The following HIBADH variants were observed in gnomAD, a reference collection of about 807,000 sequenced individuals.
HIBADH encodes the protein 3-hydroxyisobutyrate dehydrogenase, mitochondrial.
Under a neutral mutation model 36.1 loss-of-function variants are expected in HIBADH, and 25 were observed. That is an observed-to-expected ratio of 0.69 (90% CI 0.50 to 0.97). The LOEUF (loss-of-function observed/expected upper bound fraction) is 0.97. HIBADH is among the 50% of genes least tolerant of loss of function. The pLI, the probability that HIBADH is intolerant of heterozygous loss-of-function variation, is 0.00. For missense variants in HIBADH, 421 were observed against 418.0 expected, an observed-to-expected ratio of 1.01 and a Z score of -0.06; for synonymous variants, 160 against 149.5, an observed-to-expected ratio of 1.07 and a Z score of -0.51.
chr7:27,612,973 ATTATATATATATT>A (rs1448928401), intron 4 of HIBADH, among the ~76,000 whole-genome samples: 3 of 138,504 alleles, frequency 2.2e-5, no homozygotes, highest in Non-Finnish European at 4.6e-5. Context: ...TTATATATAT[ATTATATATATATT>A]TTATATATAT....
rs571472691 is a variant in HIBADH, at chr7:27,650,887, A to G, written c.92-1254T>C. Among the ~76,000 whole-genome samples, 10 of 152,200 alleles carry G rather than the reference A, an allele frequency of 6.6e-5. No individual in the cohort carries two copies. The South Asian group carries it at 2.1e-3, about 32-fold the overall frequency. ...CGTTAGATGCAATTTTTCACTTTCT[A>G]GATTTAGAACTCCACTCAATAAATA... is the stretch of plus-strand genomic sequence containing the variant. On this transcript the variant is annotated intron_variant, in intron 1 of 7. Coordinates refer to ENST00000265395, the MANE Select transcript of HIBADH (RefSeq NM_152740.4).
chr7:27,536,725 CT>C lies in HIBADH; in HGVS notation c.695+1615del, dbSNP rs556464430. On this transcript the variant is annotated intron_variant, in intron 6 of 7. Coordinates refer to ENST00000265395, the MANE Select transcript of HIBADH (RefSeq NM_152740.4). ...TCATTTTAGAAGGTCAAATGATCAT[CT>C]TATAGTAAGAGTTCTGACAGGAAAA... 9.9e-5 allele frequency among the ~76,000 whole-genome samples: 15 copies of C among 152,182 alleles called. No homozygotes were observed. The South Asian group carries it at 3.1e-3, about 32-fold the overall frequency.
intron 4 of HIBADH, among the ~76,000 whole-genome samples, chr7:27,559,047 G>A (rs1583568909): frequency 6.6e-6 from 1 of 152,196 alleles, no homozygotes; most frequent in East Asian, 1.9e-4. Flanking sequence ...TTGGATGGCT[G>A]TGAGGGAAGG....
At chr7:27,660,150 ATAT>A (rs1472902890) in intron 1 of HIBADH, among the ~76,000 whole-genome samples, 4 of 152,256 alleles carry the variant, frequency 2.6e-5, no homozygotes, top group African/African-American at 4.8e-5. Context: ...GCTCCTTATA[ATAT>A]TATCATTCAT....
chr7:27,611,239 C>T (rs548382089), intron 4 of HIBADH, among the ~76,000 whole-genome samples: 2 of 152,272 alleles, frequency 1.3e-5, no homozygotes, highest in Admixed American at 6.5e-5. Flanking sequence ...TAACTACAAG[C>T]GCCACTTCAG....
At chr7:27,647,530 C>A (rs1786094151) in intron 2 of HIBADH, 1 of 174,016 alleles carries the variant, frequency 5.7e-6, no homozygotes, top group East Asian at 1.7e-4. Flanking sequence ...ATAATACATA[C>A]AAAATATTTA....
At chr7:27,537,460 T>A (rs1173242903) in intron 6 of HIBADH, among the ~76,000 whole-genome samples, 1 of 152,180 alleles carries the variant, frequency 6.6e-6, no homozygotes, top group Non-Finnish European at 1.5e-5. Context: ...AGCTATGGTA[T>A]GAAACACTAT....
intron 4 of HIBADH, among the ~76,000 whole-genome samples, chr7:27,594,995 A>T (rs1421538217): frequency 6.6e-6 from 1 of 152,370 alleles, no homozygotes; most frequent in Non-Finnish European, 1.5e-5. Flanking sequence ...AACTAAAAGA[A>T]GATGTACATA....
chr7:27,542,560 C>T (rs1484678067), intron 5 of HIBADH, among the ~76,000 whole-genome samples: 1 of 151,258 alleles, frequency 6.6e-6, no homozygotes. Flanking sequence ...CAGGTGATCC[C>T]CCCACCTCAG....
At chr7:27,571,507 G>A (rs779469613) in intron 4 of HIBADH, among the ~76,000 whole-genome samples, 49 of 152,192 alleles carry the variant, frequency 3.2e-4, no homozygotes, top group Non-Finnish European at 5.0e-4. Context: ...CTACAGGCAT[G>A]AGCCACTGCT....
At position 27,650,922 on chromosome 7, in the gene HIBADH, T is replaced by G. The variant is rs11982323; in HGVS notation, c.92-1289A>C. Among the ~76,000 whole-genome samples, 1,206 of 152,270 alleles carry G rather than the reference T, an allele frequency of 7.9e-3. 15 individuals are homozygous for G. Among genetic ancestry groups the G allele is most frequent in the African/African-American group, 0.027 (1,139 of 41,548 alleles). ...CTCCACTCAATAAATATTCACTGCA[T>G]GAAGTACTATGACAGAGCTCAGAGA... On this transcript the variant is annotated intron_variant, in intron 1 of 7. Transcript: ENST00000265395.
chr7:27,605,262 T>G (rs1785198483), intron 4 of HIBADH, among the ~76,000 whole-genome samples: 1 of 152,054 alleles, frequency 6.6e-6, no homozygotes, highest in Non-Finnish European at 1.5e-5. Context: ...ATGAGCTGAT[T>G]CAAAAGACTA....
chr7:27,602,406 G>A lies in HIBADH; in HGVS notation c.484+26965C>T, dbSNP rs564898365. Among the ~76,000 whole-genome samples the A allele has an allele frequency of 3.3e-5, 5 of 152,250 alleles. No individual in the cohort carries two copies. In the South Asian group the frequency reaches 6.2e-4, roughly 19 times the overall value. On this transcript the variant is annotated intron_variant, in intron 4 of 7. Coordinates refer to ENST00000265395, the MANE Select transcript of HIBADH (RefSeq NM_152740.4). The stretch of plus-strand genomic sequence containing the variant: ...ACTTTCCACTCCGTTAAGACTATCA[G>A]ATTTTATTCCAAGAAAGAGTGCAGG...
At chr7:27,596,331 G>T (rs987772019) in intron 4 of HIBADH, among the ~76,000 whole-genome samples, 13 of 152,210 alleles carry the variant, frequency 8.5e-5, no homozygotes, top group Non-Finnish European at 1.9e-4. Context: ...CAAGGGCAGA[G>T]CCCTCATGAT....
chr7:27,654,680 GTTTACCATT>G (rs1482725479), intron 1 of HIBADH, among the ~76,000 whole-genome samples: 1 of 128,682 alleles, frequency 7.8e-6, no homozygotes, highest in African/African-American at 3.1e-5. Context: ...TGATGGATAT[GTTTACCATT>G]TTTTTGTGTT....
Position 27,662,876 on chromosome 7 carries a change from T to A in HIBADH, c.-88A>T, listed in dbSNP as rs1291010563. ...AGCGTGTGCAGCGGGACTGGCTGGCTCGCCCACGGAGAAGGGCGCGCGCGC... is the reference window on the plus strand; with the variant it reads ...AGCGTGTGCAGCGGGACTGGCTGGCACGCCCACGGAGAAGGGCGCGCGCGC... On this transcript the variant is annotated 5_prime_UTR_variant, in exon 1 of 8. Transcript: ENST00000265395. The A allele has an allele frequency of 1.4e-5, 16 of 1,112,160 alleles. No individual in the cohort carries two copies. The allele number at this position is 1,112,160 out of a possible 1,614,324, so 68.9% of individuals were successfully genotyped here. A position where few individuals can be genotyped will look rare whatever the true frequency, so the allele number is the denominator to read the frequency against.
At chr7:27,585,261 GTGTA>G (rs35914219) in intron 4 of HIBADH, among the ~76,000 whole-genome samples, 69,189 of 150,876 alleles carry the variant, frequency 0.46, 17,089 homozygotes, top group East Asian at 0.94. Flanking sequence ...ATACACACGT[GTGTA>G]TGTATGTGTA....
At chr7:27,537,627 A>G (rs1784087430) in intron 6 of HIBADH, among the ~76,000 whole-genome samples, 2 of 152,156 alleles carry the variant, frequency 1.3e-5, no homozygotes, top group South Asian at 4.1e-4. Context: ...GTGATTAATC[A>G]TATGTAGCAT....
intron 4 of HIBADH, among the ~76,000 whole-genome samples, chr7:27,609,674 AGAC>A (rs1785291242): frequency 6.6e-6 from 1 of 152,220 alleles, no homozygotes; most frequent in African/African-American, 2.4e-5. Context: ...ATAGCAAGTC[AGAC>A]CAAGGAAAGT....
Sources: allele counts gnomAD v4.1 joint callset (sites outside exome capture counted in the v4.1 genomes callset), GRCh38; gene constraint gnomAD v4.1.1; transcripts MANE v1.5; gene names NCBI Gene and HGNC (gene_info 2026-07-23, HGNC 2026-07-21).